REV3L: variants seen among roughly 807,000 people sequenced by gnomAD.
REV3L encodes the protein REV3 like, DNA directed polymerase zeta catalytic subunit, also known as DNA polymerase zeta catalytic subunit.
In REV3L, 69 loss-of-function variants were observed where a neutral mutation model predicts 299.4. That is an observed-to-expected ratio of 0.23 (90% CI 0.19 to 0.28). The LOEUF (loss-of-function observed/expected upper bound fraction) is 0.28, where lower values mean the gene tolerates loss of function less well. REV3L is among the 10% of genes least tolerant of loss of function. The probability of loss-of-function intolerance (pLI) is 1.00; values close to 1 mark genes in which losing one functional copy is unlikely to be tolerated. For missense variants in REV3L, 3,128 were observed against 3,693.8 expected, an observed-to-expected ratio of 0.85 and a Z score of 3.97; for synonymous variants, 1,238 against 1,271.4, an observed-to-expected ratio of 0.97 and a Z score of 0.56.
intron 1 of REV3L, chr6:111,431,209 T>C: frequency 6.4e-7 from 1 of 1,564,096 alleles, no homozygotes. Flanking sequence ...GGCAGATAGT[T>C]TACTGGATGT....
upstream of REV3L, chr6:111,483,599 C>A (rs764181754): frequency 6.6e-6 from 3 of 452,786 alleles, no homozygotes; most frequent in Non-Finnish European, 1.3e-5. Context: ...TCACACTTGC[C>A]TCGCCGACCG....
intron 1 of REV3L, among the ~76,000 whole-genome samples, chr6:111,449,322 T>C (rs1388237317): frequency 1.3e-5 from 2 of 152,062 alleles, no homozygotes; most frequent in Non-Finnish European, 2.9e-5. Flanking sequence ...AAGCTGGCAA[T>C]CTCCCTGAGT....
chr6:111,387,754 G>C lies in REV3L; in HGVS notation c.1096+11C>G. 1 of 1,612,866 alleles carries C rather than the reference G, an allele frequency of 6.2e-7. No homozygotes were observed. The highest frequency in any genetic ancestry group is 1.3e-5 in the African/African-American group (1 of 74,998). On this transcript the variant is annotated intron_variant, in intron 9 of 31. Coordinates refer to ENST00000368802, the MANE Select transcript of REV3L (RefSeq NM_001372078.1). ...CTAGTAGTTTCTGTATACATGAAAA[G>C]AAAATCTTACCTTTGCTTGACTCTT... is the stretch of plus-strand genomic sequence containing the variant.
chr6:111,426,070 T>G (rs1318223837), intron 1 of REV3L, among the ~76,000 whole-genome samples: 1 of 152,200 alleles, frequency 6.6e-6, no homozygotes, highest in Admixed American at 6.5e-5. Flanking sequence ...GGCTCCTGGA[T>G]AGCCTCAGGT....
Position 111,367,661 on chromosome 6 carries a change from G to A in REV3L, c.6127C>T (p.Pro2043Ser). The A allele has an allele frequency of 6.2e-7, 1 of 1,614,120 alleles. No individual in the cohort carries two copies. Among genetic ancestry groups the A allele is most frequent in the Non-Finnish European group, 8.5e-7 (1 of 1,180,026 alleles). ...SAENFSSSVNPDDKPVVPPKM... is the reference protein window; with the variant it reads ...SAENFSSSVNSDDKPVVPPKM... Reference sequence around the variant, plus strand: ...GGAGGCACTACAGGTTTGTCATCTGGGTTAACTGAAGAGCTAAAGTTCTCA... The same window carrying A: ...GGAGGCACTACAGGTTTGTCATCTGAGTTAACTGAAGAGCTAAAGTTCTCA... Residue 2043 changes from proline to serine, a missense_variant, in exon 14 of 32, where the codon CCA (proline) becomes TCA (serine). By Grantham distance (74) the Pro-to-Ser change is moderately conservative (BLOSUM62 -1). Transcript: ENST00000368802.
At chr6:111,360,468 ATCTT>A (rs1778537784) in intron 16 of REV3L, among the ~76,000 whole-genome samples, 1 of 133,452 alleles carries the variant, frequency 7.5e-6, no homozygotes, top group Non-Finnish European at 1.6e-5. Context: ...TTGTTAAATA[ATCTT>A]TTTTTTTTTT....
chr6:111,467,009 T>C (rs1248722257), intron 1 of REV3L, among the ~76,000 whole-genome samples: 1 of 152,124 alleles, frequency 6.6e-6, no homozygotes, highest in Non-Finnish European at 1.5e-5. Flanking sequence ...AAAGAATACA[T>C]CAATAACTTT....
rs182682527 is a variant in REV3L at position 111,421,551 on chromosome 6, G to A, written c.140-5079C>T. ...TGAGGGATTTGGCCCATGGATAGTA[G>A]TTTGCCAATCTCTGCTCTAATTAAT... On this transcript the variant is annotated intron_variant, in intron 1 of 31. Transcript: ENST00000368802. Among the ~76,000 whole-genome samples the A allele has an allele frequency of 2.3e-3, 349 of 152,062 alleles. 2 individuals are homozygous for A. The highest frequency in any genetic ancestry group is 8.1e-3 in the African/African-American group (334 of 41,484).
Position 111,373,508 on chromosome 6 carries a change from A to G in REV3L, c.4847T>C (p.Val1616Ala), listed in dbSNP as rs772372825. ...AAAAAAGATGGGACTATCATCTGAT[A>G]CAGAGTTATCCAACTGGCTAGAGTT... The part of the protein sequence containing the change: ...LQNSSQLDNS[V>A]SDDSPIFFSD... Residue 1616 changes from valine (V) to alanine (A), a missense_variant, in exon 13 of 32, where the codon GTA (valine) becomes GCA (alanine). By Grantham distance (64) the Val-to-Ala change is moderately conservative. Around this residue, in one of 9 missense-constraint regions of REV3L, gnomAD observed 2,409 missense variants for 2,611.8 expected, o/e 0.92. Transcript: ENST00000368802. 26 of 1,613,396 alleles carry G rather than the reference A, an allele frequency of 1.6e-5. No individual in the cohort carries two copies. Among genetic ancestry groups the G allele is most frequent in the Non-Finnish European group, 2.2e-5 (26 of 1,179,848 alleles).
chr6:111,334,971 A>G (rs1009116321), intron 22 of REV3L, among the ~76,000 whole-genome samples: 1 of 152,202 alleles, frequency 6.6e-6, no homozygotes, highest in Non-Finnish European at 1.5e-5. Flanking sequence ...AATCATTTTC[A>G]GCAAGGCGTT....
At chr6:111,353,394 A>G (rs1201685040) in intron 18 of REV3L, among the ~76,000 whole-genome samples, 1 of 152,248 alleles carries the variant, frequency 6.6e-6, no homozygotes, top group Non-Finnish European at 1.5e-5. Flanking sequence ...ATTCTGGAGT[A>G]TTTCAGTGGC....
At chr6:111,351,935 G>T in intron 18 of REV3L, 144 bp from the exon 19 acceptor site, 1 of 538,154 alleles carries the variant, frequency 1.9e-6, no homozygotes. Flanking sequence ...TGATACAGTG[G>T]TACCTACAGA....
At chr6:111,430,896 A>C in intron 1 of REV3L, 1 of 1,602,276 alleles carries the variant, frequency 6.2e-7, no homozygotes, top group Non-Finnish European at 8.5e-7. Context: ...CATCCTGTGG[A>C]TCTCATTGTA....
At chr6:111,306,384 G>A (rs1772300594) in intron 31 of REV3L, among the ~76,000 whole-genome samples, 1 of 152,126 alleles carries the variant, frequency 6.6e-6, no homozygotes, top group Non-Finnish European at 1.5e-5. Context: ...TGACAGAGAA[G>A]AGCAAGAAAT....
chr6:111,373,889 T>A lies in REV3L; in HGVS notation c.4466A>T (p.Glu1489Val). 1 of 1,614,010 alleles carries A rather than the reference T, an allele frequency of 6.2e-7. No individual in the cohort carries two copies. Among genetic ancestry groups the A allele is most frequent in the Non-Finnish European group, 8.5e-7 (1 of 1,179,946 alleles). The change falls in exon 13 of 32, where the codon GAA becomes GTA. Residue 1489 changes from glutamate to valine, a missense_variant. Physicochemically the swap from Glu to Val is moderately radical, Grantham distance 121 (BLOSUM62 -2). Around this residue, in one of 9 missense-constraint regions of REV3L, gnomAD observed 2,409 missense variants for 2,611.8 expected, o/e 0.92. Transcript: ENST00000368802. ...FILDMSNFKP[E>V]RVKPRSLSEA... ...TGATAACGACCTCGGTTTTACTCTTTCAGGTTTAAAATTTGACATATCTAA... is the reference window on the plus strand; with the variant it reads ...TGATAACGACCTCGGTTTTACTCTTACAGGTTTAAAATTTGACATATCTAA...
chr6:111,430,098 C>T (rs772152891), intron 1 of REV3L, among the ~76,000 whole-genome samples: 5 of 151,982 alleles, frequency 3.3e-5, no homozygotes, highest in Non-Finnish European at 7.4e-5. Flanking sequence ...TAAAAAGAAG[C>T]GAGATTGAGA....
At chr6:111,358,786 G>A in intron 17 of REV3L, 36 bp downstream of exon 17, 1 of 1,495,456 alleles carries the variant, frequency 6.7e-7, no homozygotes, top group Non-Finnish European at 9.2e-7. Flanking sequence ...TCACCCTAGA[G>A]TGGGCAGGTA....
At position 111,416,389 on chromosome 6, in the gene REV3L, A is replaced by G; in HGVS notation, c.223T>C (p.Tyr75His). Residue 75 changes from tyrosine (Y) to histidine (H), a missense_variant, in exon 2 of 32, where the codon TAT becomes CAT. Coordinates refer to ENST00000368802, the MANE Select transcript of REV3L (RefSeq NM_001372078.1). ...ATACTGAATGCCATCTGAGAAAGAT[A>G]GCTTTCTGGCTGCTGTCCATAACCA... is the stretch of plus-strand genomic sequence containing the variant. Reference protein sequence around the residue: ...YDGYGQQPESYLSQMAFSIDR... With the variant: ...YDGYGQQPESHLSQMAFSIDR... 6.2e-7 allele frequency: 1 copy of G among 1,613,826 alleles called. No individual in the cohort carries two copies. The highest frequency in any genetic ancestry group is 8.5e-7 in the Non-Finnish European group (1 of 1,179,780).
chr6:111,350,214 C>T (rs1419624964), intron 19 of REV3L, among the ~76,000 whole-genome samples: 1 of 152,004 alleles, frequency 6.6e-6, no homozygotes, highest in Non-Finnish European at 1.5e-5. Flanking sequence ...ATATCTTGCC[C>T]AAGATCTTAC....
Sources: gnomAD v4.1 joint callset for allele counts (sites outside exome capture counted in the v4.1 genomes callset) on GRCh38, gnomAD v4.1.1 for gene constraint, gnomAD v4.1.1 regional missense constraint, MANE v1.5 for transcripts, NCBI Gene and HGNC (gene_info 2026-07-23, HGNC 2026-07-21) for gene names.